Variants in ROBO1 observed in about 807,000 individuals in gnomAD.
ROBO1 encodes roundabout guidance receptor 1, also known as roundabout homolog 1.
In ROBO1, 149 loss-of-function variants were observed where a neutral mutation model predicts 195.9. The observed-to-expected ratio is 0.76, with a 90% CI of 0.67 to 0.87. ROBO1 has a LOEUF of 0.87. ROBO1 is among the 40% of genes least tolerant of loss of function. The probability of loss-of-function intolerance (pLI) is 0.00; values close to 1 mark genes in which losing one functional copy is unlikely to be tolerated. For missense variants in ROBO1, 1,933 were observed against 2,068.3 expected (o/e 0.93, Z 1.27); for synonymous variants, 816 against 733.2 (o/e 1.11, Z -1.82).
chr3:78,659,590 C>A (rs1707249266), intron 17 of ROBO1, 96 bp downstream of exon 17: 1 of 966,834 alleles, frequency 1.0e-6, no homozygotes, highest in Non-Finnish European at 1.4e-6. Context: ...GCAGATGGCG[C>A]CAAATATCCA....
intron 1 of ROBO1, among the ~76,000 whole-genome samples, chr3:79,695,055 G>A (rs1000683635): frequency 6.6e-6 from 1 of 151,534 alleles, no homozygotes; most frequent in African/African-American, 2.4e-5. Flanking sequence ...TTTTAAAACT[G>A]TAGAACATGT....
At chr3:79,706,670 A>T (rs1947781708) in intron 1 of ROBO1, among the ~76,000 whole-genome samples, 2 of 152,142 alleles carry the variant, frequency 1.3e-5, no homozygotes, top group Non-Finnish European at 1.5e-5. Flanking sequence ...GGGCGGGGGT[A>T]GTTTCCCTGC....
chr3:78,783,799 A>T (rs1236189582), intron 4 of ROBO1, among the ~76,000 whole-genome samples: 1 of 152,166 alleles, frequency 6.6e-6, no homozygotes, highest in Non-Finnish European at 1.5e-5. Flanking sequence ...GACTATGCCA[A>T]AGTGGCTTCT....
rs2038058030 is a variant in ROBO1, at chr3:79,417,583, T to G, written c.88+172241A>C. Among the ~76,000 whole-genome samples, 2 of 152,190 alleles carry G rather than the reference T, an allele frequency of 1.3e-5. 1 individual carries two copies. The highest frequency in any genetic ancestry group is 4.1e-4 in the South Asian group (2 of 4,830). ...CAATAGATAACTGCTATAGTCTGGA[T>G]CACAAGTAACTACTTACTCTCTTTT... On this transcript the variant is annotated intron_variant, in intron 2 of 30. Transcript: ENST00000464233.
chr3:79,615,755 T>C (rs1012605363), intron 1 of ROBO1, among the ~76,000 whole-genome samples: 2 of 152,110 alleles, frequency 1.3e-5, no homozygotes, highest in Non-Finnish European at 2.9e-5. Context: ...CTCATACATA[T>C]ATAATCAATA....
At chr3:78,720,379 C>T (rs1352108053) in intron 5 of ROBO1, among the ~76,000 whole-genome samples, 2 of 152,172 alleles carry the variant, frequency 1.3e-5, no homozygotes, top group Non-Finnish European at 2.9e-5. Context: ...AAATGCAAAT[C>T]CAAACCACAA....
At chr3:79,520,849 AAC>A (rs1941179299) in intron 2 of ROBO1, among the ~76,000 whole-genome samples, 2 of 152,190 alleles carry the variant, frequency 1.3e-5, no homozygotes, top group African/African-American at 4.8e-5. Flanking sequence ...CAAAAAAAAA[AAC>A]ACTTTTATTT....
intron 10 of ROBO1, among the ~76,000 whole-genome samples, chr3:78,680,601 A>T (rs913395472): frequency 1.5e-4 from 23 of 151,826 alleles, no homozygotes; most frequent in Non-Finnish European, 2.8e-4. Context: ...ATCACTGGCC[A>T]TCAGAGAAAT....
intron 3 of ROBO1, among the ~76,000 whole-genome samples, chr3:78,939,407 G>A (rs2040003160): frequency 1.3e-5 from 2 of 150,264 alleles, no homozygotes. Flanking sequence ...GAGGTCAGGA[G>A]ATCAAGACCA....
At position 79,625,377 on chromosome 3, in the gene ROBO1, C is replaced by T. The variant is rs1237110590; in HGVS notation, c.-50-35416G>A. Among the ~76,000 whole-genome samples the T allele has an allele frequency of 6.3e-5, 5 of 79,044 alleles. No homozygotes were observed. In the East Asian group the frequency reaches 2.1e-3, roughly 33 times the overall value. 51.9% of individuals were successfully genotyped at this position (79,044 alleles called of 152,430 possible). On this transcript the variant is annotated intron_variant, in intron 1 of 30. Coordinates refer to ENST00000464233, the MANE Select transcript of ROBO1 (RefSeq NM_002941.4). ...AGAAGATTTGAAAGAGATAGACACA[C>T]GAAAATCCCTCCAAAATATCAAGTA...
intron 1 of ROBO1, among the ~76,000 whole-genome samples, chr3:79,599,268 T>G (rs1944270384): frequency 6.6e-6 from 1 of 152,176 alleles, no homozygotes; most frequent in African/African-American, 2.4e-5. Flanking sequence ...TTAAAAGTTC[T>G]ACTTAATCTT....
chr3:78,745,455 T>C (rs1272614865), intron 5 of ROBO1, among the ~76,000 whole-genome samples: 8 of 152,056 alleles, frequency 5.3e-5, no homozygotes, highest in African/African-American at 1.9e-4. Flanking sequence ...TAGATAATGG[T>C]CATTAAATGA....
chr3:78,822,542 C>G (rs1186037818), intron 4 of ROBO1, among the ~76,000 whole-genome samples: 1 of 152,178 alleles, frequency 6.6e-6, no homozygotes, highest in Non-Finnish European at 1.5e-5. Flanking sequence ...ATGAATTCTA[C>G]ACACACTCTC....
intron 2 of ROBO1, among the ~76,000 whole-genome samples, chr3:79,326,568 G>T (rs1343614434): frequency 6.6e-6 from 1 of 152,120 alleles, no homozygotes; most frequent in Non-Finnish European, 1.5e-5. Flanking sequence ...AAGCATAAAA[G>T]AAAATTAAGA....
At chr3:79,567,359 A>C (rs1943122862) in intron 2 of ROBO1, among the ~76,000 whole-genome samples, 1 of 152,160 alleles carries the variant, frequency 6.6e-6, no homozygotes, top group Non-Finnish European at 1.5e-5. Context: ...CCTGGGTAAC[A>C]AACTTGCACA....
At chr3:78,692,734 T>C (rs2081202869) in intron 8 of ROBO1, among the ~76,000 whole-genome samples, 1 of 152,202 alleles carries the variant, frequency 6.6e-6, no homozygotes. Context: ...CTTAGAAACT[T>C]GATGGCTTAT....
In ROBO1 at chr3:79,725,289, C is replaced by T. The variant is rs907610092; in HGVS notation, c.-51+42463G>A. On this transcript the variant is annotated intron_variant, in intron 1 of 30. Transcript: ENST00000464233. ...TCGCCCAGGCTGGAGTGCAGTGGCGCGATCTCGGCTCACTGCAAGCTCCGC... is the reference window on the plus strand; with the variant it reads ...TCGCCCAGGCTGGAGTGCAGTGGCGTGATCTCGGCTCACTGCAAGCTCCGC... Among the ~76,000 whole-genome samples the T allele has an allele frequency of 2.1e-5, 3 of 142,096 alleles. 1 individual carries two copies. The highest frequency in any genetic ancestry group is 4.5e-5 in the Non-Finnish European group (3 of 66,650). The allele number at this position is 142,096 out of a possible 152,430, so 93.2% of individuals were successfully genotyped here.
intron 4 of ROBO1, among the ~76,000 whole-genome samples, chr3:78,892,596 T>A (rs75667597): frequency 6.6e-6 from 1 of 152,196 alleles, no homozygotes; most frequent in African/African-American, 2.4e-5. Flanking sequence ...TTTATCATCA[T>A]CATCATCATC....
In ROBO1 at chr3:79,669,244, C is replaced by T. The variant is rs112950609; in HGVS notation, c.-50-79283G>A. Reference sequence around the variant, plus strand: ...TCCCTGTACCAGCTCTCTTTTTTTGCCTGCTGCCATCGATGTAAGAAGTGA... The same window carrying T: ...TCCCTGTACCAGCTCTCTTTTTTTGTCTGCTGCCATCGATGTAAGAAGTGA... On this transcript the variant is annotated intron_variant, in intron 1 of 30. Coordinates refer to ENST00000464233, the MANE Select transcript of ROBO1 (RefSeq NM_002941.4). 4.2e-3 allele frequency among the ~76,000 whole-genome samples: 636 copies of T among 151,748 alleles called. 9 individuals are homozygous for T. Among genetic ancestry groups the T allele is most frequent in the African/African-American group, 0.015 (610 of 41,450 alleles).
Sources: gnomAD v4.1 joint callset for allele counts (sites outside exome capture counted in the v4.1 genomes callset) on GRCh38, gnomAD v4.1.1 for gene constraint, MANE v1.5 for transcripts, NCBI Gene and HGNC (gene_info 2026-07-23, HGNC 2026-07-21) for gene names.